The following MTDH variants were observed in gnomAD, a reference collection of about 807,000 sequenced individuals.
MTDH encodes the protein metadherin.
MTDH carries 34 observed loss-of-function variants against 72.7 expected under a neutral mutation model. The ratio of observed to expected loss-of-function variants is 0.47; its 90% CI spans 0.36 to 0.62. MTDH has a LOEUF of 0.62. Ranked by LOEUF, MTDH falls within the 20% of genes least tolerant of loss-of-function variation. The pLI is 0.00. For missense variants in MTDH, 677 were observed against 699.4 expected (o/e 0.97, Z 0.36); for synonymous variants, 266 against 268.9 (o/e 0.99, Z 0.10).
chr8:97,714,231 C>T (rs1314379850), intron 9 of MTDH, among the ~76,000 whole-genome samples: 4 of 152,168 alleles, frequency 2.6e-5, no homozygotes, highest in Admixed American at 2.6e-4. Context: ...TTTTCTCTTT[C>T]CATCACTCAT....
chr8:97,724,559 C>T, intron 11 of MTDH, 41 bp from the exon 12 acceptor site: 1 of 1,370,528 alleles, frequency 7.3e-7, no homozygotes, highest in South Asian at 1.3e-5. Flanking sequence ...ATTTACCATC[C>T]TCCTAATTTT....
In MTDH at chr8:97,644,630, C is replaced by A; in HGVS notation, c.124C>A (p.Leu42Met). Residue 42 changes from leucine (L) to methionine (M), a missense_variant, in exon 1 of 12, where the codon CTG becomes ATG. Around this residue, in one of 3 missense-constraint regions of MTDH, gnomAD observed 467 missense variants for 469.1 expected, o/e 1.00. Coordinates refer to ENST00000336273, the MANE Select transcript of MTDH (RefSeq NM_178812.4). ...LRTELGLDLG[L>M]EPKRYPGWVI... ...CACCGAGCTGGGCCTCGACCTGGGG[C>A]TGGAGCCGAAACGGTACCCCGGCTG... 1 of 1,610,114 alleles carries A rather than the reference C, an allele frequency of 6.2e-7. No homozygotes were observed. The highest frequency in any genetic ancestry group is 8.5e-7 in the Non-Finnish European group (1 of 1,179,204).
At chr8:97,715,606 TG>T (rs1465258665) in intron 9 of MTDH, among the ~76,000 whole-genome samples, 2 of 152,196 alleles carry the variant, frequency 1.3e-5, no homozygotes, top group Non-Finnish European at 2.9e-5. Context: ...CTAAGATCAG[TG>T]GATATGAACA....
Position 97,668,560 on chromosome 8 carries a change from C to CTT in MTDH, c.483+7397_483+7398dup, listed in dbSNP as rs559554186. On this transcript the variant is annotated intron_variant, in intron 2 of 11. Transcript: ENST00000336273. ...AATTTCAGATTCCACACTGTAACAACTTTTTTTTTTTGAGACAGAGTCTAG... is the reference window on the plus strand; with the variant it reads ...AATTTCAGATTCCACACTGTAACAACTTTTTTTTTTTTTGAGACAGAGTCTAG... 3.4e-5 allele frequency among the ~76,000 whole-genome samples: 5 copies of CTT among 147,818 alleles called. No individual in the cohort carries two copies. In the South Asian group the frequency reaches 6.4e-4, roughly 19 times the overall value.
In MTDH at chr8:97,699,763, C is replaced by A. The variant is rs984579138; in HGVS notation, c.1058C>A (p.Ala353Asp). ...RSIFSGIGST[A>D]EPVSQSTTSD... ...TCGTTTTTCATTTAAGGGTCTACTG[C>A]TGAGCCAGTTTCTCAGTCTACCACT... Residue 353 changes from alanine to aspartate, a missense_variant, in exon 7 of 12, where the codon GCT (alanine) becomes GAT (aspartate). Transcript: ENST00000336273. 6.2e-7 allele frequency: 1 copy of A among 1,609,556 alleles called. No individual in the cohort carries two copies. The highest frequency in any genetic ancestry group is 1.3e-5 in the African/African-American group (1 of 74,906).
intron 2 of MTDH, 25 bp downstream of exon 2, chr8:97,661,198 G>C: frequency 6.7e-7 from 1 of 1,498,522 alleles, no homozygotes; most frequent in Non-Finnish European, 9.2e-7. Flanking sequence ...ATATGAAATT[G>C]TATGCAAGAC....
chr8:97,720,593 T>G (rs561554947), intron 10 of MTDH, among the ~76,000 whole-genome samples: 1 of 151,338 alleles, frequency 6.6e-6, no homozygotes, highest in African/African-American at 2.4e-5. Flanking sequence ...ATATATATAT[T>G]TATTTATTTA....
In MTDH at chr8:97,729,638, A is replaced by G. The variant is rs1394009552; in HGVS notation, c.*4968A>G. Among the ~76,000 whole-genome samples the G allele has an allele frequency of 1.3e-5, 2 of 152,004 alleles. No homozygotes were observed. Among genetic ancestry groups the G allele is most frequent in the Non-Finnish European group, 2.9e-5 (2 of 67,992 alleles). ...TAGTGTAGCAGCTAATAATGTTCCAACTTCTATATGATAGTTTGCTTTTTG... is the reference window on the plus strand; with the variant it reads ...TAGTGTAGCAGCTAATAATGTTCCAGCTTCTATATGATAGTTTGCTTTTTG... On this transcript the variant is annotated 3_prime_UTR_variant, in exon 12 of 12. Transcript: ENST00000336273.
intron 10 of MTDH, 60 bp from the exon 11 acceptor site, chr8:97,722,819 T>C: frequency 6.6e-7 from 1 of 1,515,170 alleles, no homozygotes; most frequent in Non-Finnish European, 8.9e-7. Flanking sequence ...ATTACTGTGA[T>C]ATTTAAACTT....
chr8:97,646,107 AT>A (rs1811553840), intron 1 of MTDH, among the ~76,000 whole-genome samples: 1 of 152,202 alleles, frequency 6.6e-6, no homozygotes, highest in Non-Finnish European at 1.5e-5. Flanking sequence ...GGTAGGAGAC[AT>A]TTCACTGGAG....
At chr8:97,707,322 G>A (rs1023194838) in intron 8 of MTDH, among the ~76,000 whole-genome samples, 3 of 151,440 alleles carry the variant, frequency 2.0e-5, no homozygotes, top group Non-Finnish European at 2.9e-5. Flanking sequence ...GCTAATTTTT[G>A]TGTATTTAGT....
In MTDH at chr8:97,723,137, G is replaced by A. The variant is rs1312044547; in HGVS notation, c.1678+102G>A. The A allele has an allele frequency of 2.1e-5, 26 of 1,242,246 alleles. No individual in the cohort carries two copies. In the South Asian group the frequency reaches 2.9e-4, roughly 14 times the overall value. The allele number at this position is 1,242,246 out of a possible 1,614,324, so 77.0% of individuals were successfully genotyped here. On this transcript the variant is annotated intron_variant, in intron 11 of 11. Coordinates refer to ENST00000336273, the MANE Select transcript of MTDH (RefSeq NM_178812.4). ...ATGGAGGCCAGGCGCAGTGGCTCACGCCTGTAATCCCAGCACTTTGGGAGG... is the reference window on the plus strand; with the variant it reads ...ATGGAGGCCAGGCGCAGTGGCTCACACCTGTAATCCCAGCACTTTGGGAGG...
chr8:97,662,455 G>A (rs1402507705), intron 2 of MTDH, among the ~76,000 whole-genome samples: 1 of 151,854 alleles, frequency 6.6e-6, no homozygotes, highest in Non-Finnish European at 1.5e-5. Context: ...GGGAACCACA[G>A]TGCAGCAGCT....
In MTDH at chr8:97,729,316, C is replaced by T. The variant is rs902068576; in HGVS notation, c.*4646C>T. ...TGAGCCAGCTGGTAGAGGGCATTAC[C>T]TCCCCCACCCCCAAGAACACTTCTT... On this transcript the variant is annotated 3_prime_UTR_variant, in exon 12 of 12. Coordinates refer to ENST00000336273, the MANE Select transcript of MTDH (RefSeq NM_178812.4). Among the ~76,000 whole-genome samples, 3 of 152,072 alleles carry T rather than the reference C, an allele frequency of 2.0e-5. No individual in the cohort carries two copies. The highest frequency in any genetic ancestry group is 7.2e-5 in the African/African-American group (3 of 41,438).
At chr8:97,679,991 T>C (rs1813005977) in intron 2 of MTDH, among the ~76,000 whole-genome samples, 1 of 152,220 alleles carries the variant, frequency 6.6e-6, no homozygotes, top group Admixed American at 6.5e-5. Flanking sequence ...ATCTGTCTTA[T>C]TCAGTATATA....
intron 9 of MTDH, among the ~76,000 whole-genome samples, chr8:97,717,639 A>G (rs1015239396): frequency 7.4e-6 from 1 of 135,724 alleles, no homozygotes; most frequent in African/African-American, 2.6e-5. Flanking sequence ...CCCCCCAAAA[A>G]TGGAAATCTT....
intron 7 of MTDH, among the ~76,000 whole-genome samples, chr8:97,706,176 T>A (rs1246058656): frequency 6.6e-6 from 1 of 152,164 alleles, no homozygotes; most frequent in African/African-American, 2.4e-5. Flanking sequence ...CTCATAAGGA[T>A]AGGAGAGGTG....
At chr8:97,698,893 A>G (rs887614454) in intron 6 of MTDH, among the ~76,000 whole-genome samples, 1 of 152,218 alleles carries the variant, frequency 6.6e-6, no homozygotes, top group Non-Finnish European at 1.5e-5. Context: ...CTGTAATCCC[A>G]GCACTTTGGG....
Position 97,713,784 on chromosome 8 carries a change from C to A in MTDH, c.1380+15C>A. 1 of 1,475,980 alleles carries A rather than the reference C, an allele frequency of 6.8e-7. No homozygotes were observed. The highest frequency in any genetic ancestry group is 9.2e-7 in the Non-Finnish European group (1 of 1,092,244). 91.4% of individuals were successfully genotyped at this position (1,475,980 alleles called of 1,614,324 possible). ...CTACTGCACAGGTAAAATGTCAGAACAACAAGCATTCATTAAGCGCCTCCG... is the reference window on the plus strand; with the variant it reads ...CTACTGCACAGGTAAAATGTCAGAAAAACAAGCATTCATTAAGCGCCTCCG... On this transcript the variant is annotated intron_variant, in intron 9 of 11. Coordinates refer to ENST00000336273, the MANE Select transcript of MTDH (RefSeq NM_178812.4).
Sources: allele counts gnomAD v4.1 joint callset (sites outside exome capture counted in the v4.1 genomes callset), GRCh38; gene constraint gnomAD v4.1.1; regional missense constraint gnomAD v4.1.1; transcripts MANE v1.5; gene names NCBI Gene and HGNC (gene_info 2026-07-23, HGNC 2026-07-21).